Variants in TMED8 observed in about 807,000 individuals in gnomAD.
TMED8 encodes transmembrane p24 trafficking protein family member 8.
Under a neutral mutation model 32.7 loss-of-function variants are expected in TMED8, and 15 were observed. That is an observed-to-expected ratio of 0.46 (90% CI 0.31 to 0.71). The LOEUF (loss-of-function observed/expected upper bound fraction) is 0.71, where lower values mean the gene tolerates loss of function less well. TMED8 is among the 30% of genes least tolerant of loss of function. The pLI is 0.06. For synonymous variants in TMED8, 147 were observed against 161.4 expected, an observed-to-expected ratio of 0.91 and a Z score of 0.68; for missense variants, 390 against 423.9, an observed-to-expected ratio of 0.92 and a Z score of 0.70.
At chr14:77,351,627 T>C (rs1404646222) in intron 2 of TMED8, 46 bp downstream of exon 2, 1 of 1,524,516 alleles carries the variant, frequency 6.6e-7, no homozygotes, top group African/African-American at 1.4e-5. Flanking sequence ...CAGTTCCTCA[T>C]CTCAGAAGAT....
chr14:77,359,787 T>C (rs1337643946), intron 1 of TMED8: 1 of 235,954 alleles, frequency 4.2e-6, no homozygotes, highest in African/African-American at 2.4e-5. Context: ...CAATTTCAAA[T>C]GTAATTCACA....
chr14:77,372,938 ATATATATATATATATTTTTTTTTTTTT>A lies in TMED8; in HGVS notation c.118+3971_118+3997del, dbSNP rs1230672817. 3.5e-3 allele frequency among the ~76,000 whole-genome samples: 99 copies of A among 27,980 alleles called. 1 individual carries two copies. Among genetic ancestry groups the A allele is most frequent in the Non-Finnish European group, 5.0e-3 (85 of 16,960 alleles). 18.4% of individuals were successfully genotyped at this position (27,980 alleles called of 152,430 possible). A position where few individuals can be genotyped will look rare whatever the true frequency, so the allele number is the denominator to read the frequency against. On this transcript the variant is annotated intron_variant, in intron 1 of 5. Transcript: ENST00000216468. ...TATATATATATATATATATATATAT[ATATATATATATATATTTTTTTTTTTTT>A]TTTTTTTTTTTTTTTTTTGAGACAG...
At chr14:77,367,240 TAA>T (rs56707120) in intron 1 of TMED8, among the ~76,000 whole-genome samples, 266 of 25,064 alleles carry the variant, frequency 0.011, no homozygotes, top group African/African-American at 0.032. Flanking sequence ...AGACTCTGTC[TAA>T]AAAAAAAAAA....
At position 77,363,041 on chromosome 14, in the gene TMED8, T is replaced by A. The variant is rs553299638; in HGVS notation, c.119-11290A>T. Among the ~76,000 whole-genome samples, 8 of 152,204 alleles carry A rather than the reference T, an allele frequency of 5.3e-5. No individual in the cohort carries two copies. In the South Asian group the frequency reaches 1.2e-3, roughly 24 times the overall value. ...ATAAGAATAGTAGGGGACCTCAATA[T>A]CCCATTTTCAACAATGGATACATCA... On this transcript the variant is annotated intron_variant, in intron 1 of 5. Transcript: ENST00000216468.
At chr14:77,365,738 C>G (rs181299589) in intron 1 of TMED8, among the ~76,000 whole-genome samples, 4 of 152,316 alleles carry the variant, frequency 2.6e-5, no homozygotes, top group African/African-American at 7.2e-5. Context: ...AGTTCTGGCT[C>G]TCATGATGCT....
At chr14:77,373,977 G>A (rs1176308000) in intron 1 of TMED8, among the ~76,000 whole-genome samples, 7 of 152,104 alleles carry the variant, frequency 4.6e-5, no homozygotes, top group Admixed American at 3.9e-4. Context: ...AGCTTCTTGA[G>A]GCCCTCACCA....
chr14:77,351,361 C>T (rs1893170806), intron 2 of TMED8, among the ~76,000 whole-genome samples: 1 of 151,088 alleles, frequency 6.6e-6, no homozygotes, highest in Non-Finnish European at 1.5e-5. Context: ...TGGTGCGCGC[C>T]TGTAGTCCCA....
At chr14:77,346,568 AT>A in intron 2 of TMED8, 90 bp from the exon 3 acceptor site, 1 of 1,541,114 alleles carries the variant, frequency 6.5e-7, no homozygotes, top group Non-Finnish European at 8.9e-7. Flanking sequence ...AACATTCGAG[AT>A]ACCCCCTGCC....
At chr14:77,342,457 G>A (rs1239947543) in intron 5 of TMED8, among the ~76,000 whole-genome samples, 2 of 142,518 alleles carry the variant, frequency 1.4e-5, no homozygotes, top group East Asian at 4.0e-4. Flanking sequence ...CAGCAAATAA[G>A]ATACAAGGTT....
At chr14:77,366,410 G>C (rs1053246711) in intron 1 of TMED8, among the ~76,000 whole-genome samples, 1 of 152,228 alleles carries the variant, frequency 6.6e-6, no homozygotes, top group Non-Finnish European at 1.5e-5. Flanking sequence ...ACAAATGAGA[G>C]ACAGAATTCA....
rs1329894445 is a variant in TMED8, at chr14:77,340,767, A to G, written c.*1004T>C. ...CCCTCAATGCAAGAAAGCTAAATGCAGAAACTTTGGAAACCTGATTGGGTT... is the reference window on the plus strand; with the variant it reads ...CCCTCAATGCAAGAAAGCTAAATGCGGAAACTTTGGAAACCTGATTGGGTT... On this transcript the variant is annotated 3_prime_UTR_variant, in exon 6 of 6. Transcript: ENST00000216468. The G allele has an allele frequency of 6.6e-6, 1 of 152,242 alleles. No individual in the cohort carries two copies. Among genetic ancestry groups the G allele is most frequent in the Non-Finnish European group, 1.5e-5 (1 of 68,032 alleles). 9.4% of individuals were successfully genotyped at this position (152,242 alleles called of 1,614,324 possible). A position where few individuals can be genotyped will look rare whatever the true frequency, so the allele number is the denominator to read the frequency against.
intron 1 of TMED8, among the ~76,000 whole-genome samples, chr14:77,374,976 G>C (rs899548642): frequency 3.3e-5 from 5 of 152,144 alleles, no homozygotes; most frequent in African/African-American, 1.2e-4. Flanking sequence ...ATTTCATCCA[G>C]ACAGTAAAAA....
At chr14:77,368,948 T>C (rs939770687) in intron 1 of TMED8, among the ~76,000 whole-genome samples, 1 of 152,220 alleles carries the variant, frequency 6.6e-6, no homozygotes, top group Admixed American at 6.5e-5. Flanking sequence ...AGTCTTTGTA[T>C]GTCCTGTCTA....
At chr14:77,349,136 A>C (rs1893121393) in intron 2 of TMED8, among the ~76,000 whole-genome samples, 2 of 122,808 alleles carry the variant, frequency 1.6e-5, no homozygotes, top group Non-Finnish European at 3.2e-5. Flanking sequence ...TTGGAGACAG[A>C]GTCTTGCTCT....
At chr14:77,354,854 TG>T (rs1256988659) in intron 1 of TMED8, among the ~76,000 whole-genome samples, 1 of 151,856 alleles carries the variant, frequency 6.6e-6, no homozygotes, top group Non-Finnish European at 1.5e-5. Flanking sequence ...CTTGGGAGGC[TG>T]AGGCAGGAGA....
At chr14:77,364,788 T>C (rs1317161082) in intron 1 of TMED8, among the ~76,000 whole-genome samples, 1 of 152,328 alleles carries the variant, frequency 6.6e-6, no homozygotes, top group East Asian at 1.9e-4. Context: ...AACACTTTTA[T>C]ACACATTGCC....
chr14:77,354,221 A>G (rs1357986625), intron 1 of TMED8, among the ~76,000 whole-genome samples: 4 of 152,198 alleles, frequency 2.6e-5, no homozygotes, highest in Non-Finnish European at 5.9e-5. Context: ...TTCTTGACAT[A>G]ATACCTTAAC....
intron 1 of TMED8, among the ~76,000 whole-genome samples, chr14:77,373,956 G>A (rs779811625): frequency 3.3e-5 from 5 of 152,080 alleles, no homozygotes; most frequent in Non-Finnish European, 5.9e-5. Context: ...CCCCCTTTCA[G>A]TATGATTCTA....
intron 1 of TMED8, among the ~76,000 whole-genome samples, chr14:77,360,333 C>G (rs986603999): frequency 6.6e-6 from 1 of 152,222 alleles, no homozygotes; most frequent in East Asian, 1.9e-4. Flanking sequence ...TACACCTCCC[C>G]CTTTCCTCTA....
Sources: allele counts gnomAD v4.1 joint callset (sites outside exome capture counted in the v4.1 genomes callset), GRCh38; gene constraint gnomAD v4.1.1; transcripts MANE v1.5; gene names NCBI Gene and HGNC (gene_info 2026-07-23, HGNC 2026-07-21).